Variants in KIZ observed in about 807,000 individuals in gnomAD.
KIZ encodes the protein centrosomal protein kizuna.
In KIZ, 68 loss-of-function variants were observed where a neutral mutation model predicts 79.6. The observed-to-expected ratio is 0.85, with a 90% CI of 0.70 to 1.05. The LOEUF (loss-of-function observed/expected upper bound fraction) is 1.05. Among genes scored for constraint, KIZ ranks in the 50% least tolerant of loss-of-function variants. The pLI, the probability that KIZ is intolerant of heterozygous loss-of-function variation, is 0.00. For synonymous variants in KIZ, 280 were observed against 281.8 expected, an observed-to-expected ratio of 0.99 and a Z score of 0.06; for missense variants, 797 against 800.4, an observed-to-expected ratio of 1.00 and a Z score of 0.05.
intron 2 of KIZ, among the ~76,000 whole-genome samples, chr20:21,134,660 G>GTT (rs537989513): frequency 6.8e-4 from 89 of 130,494 alleles, no homozygotes; most frequent in African/African-American, 1.7e-3. Context: ...CATCTTTCAG[G>GTT]TTTTTTTTTT....
At chr20:21,178,484 G>A (rs1251936766) in intron 6 of KIZ, among the ~76,000 whole-genome samples, 1 of 151,352 alleles carries the variant, frequency 6.6e-6, no homozygotes, top group Non-Finnish European at 1.5e-5. Context: ...ATCTGTGTGT[G>A]TATGTGATCT....
Position 21,162,305 on chromosome 20 carries a change from A to G in KIZ, c.840A>G (p.Glu280=). 1 of 1,613,908 alleles carries G rather than the reference A, an allele frequency of 6.2e-7. No homozygotes were observed. The highest frequency in any genetic ancestry group is 8.5e-7 in the Non-Finnish European group (1 of 1,179,800). ...CTGAACTCAATTCCCCGTTACGGGA[A>G]AGATTAAGTCCAGAGAACAGAACCA... ...KSAELNSPLR[E]RLSPENRTTD... Residue 280 remains glutamate, a synonymous_variant, in exon 5 of 13, where the codon GAA becomes GAG. Transcript: ENST00000619189.
chr20:21,207,102 T>G (rs2035857203), intron 7 of KIZ, among the ~76,000 whole-genome samples: 1 of 152,166 alleles, frequency 6.6e-6, no homozygotes, highest in Non-Finnish European at 1.5e-5. Context: ...TTTTAAGGTG[T>G]TTCTAAAATT....
chr20:21,177,248 T>G lies in KIZ; in HGVS notation c.1352+14089T>G, dbSNP rs564908950. Among the ~76,000 whole-genome samples, 3 of 152,328 alleles carry G rather than the reference T, an allele frequency of 2.0e-5. No homozygotes were observed. In the South Asian group the frequency reaches 6.2e-4, roughly 32 times the overall value. ...AGTTTCTCTACATCTTTGCCAGTGC[T>G]TGTTATCTTTTGTTCTTTTTGTGAA... On this transcript the variant is annotated intron_variant, in intron 6 of 12. Transcript: ENST00000619189.
In KIZ at chr20:21,163,027, G is replaced by A. The variant is rs565902310; in HGVS notation, c.1220G>A (p.Gly407Glu). ...GGTGGCAAGATGGAGGGAGAAGATG[G>A]AATAGAGGCCTTAAAATTAATCCAT... ...NPGGKMEGED[G>E]IEALKLIHAE... The change falls in exon 6 of 13, where the codon GGA (glycine) becomes GAA (glutamate). Residue 407 changes from glycine to glutamate, a missense_variant. Physicochemically the swap from Gly to Glu is moderately conservative, Grantham distance 98. Transcript: ENST00000619189. 4.3e-6 allele frequency: 7 copies of A among 1,613,792 alleles called. No homozygotes were observed. Among genetic ancestry groups the A allele is most frequent in the Non-Finnish European group, 5.9e-6 (7 of 1,179,840 alleles).
intron 11 of KIZ, 56 bp downstream of exon 11, chr20:21,232,886 G>A (rs750980859): frequency 2.6e-5 from 20 of 779,262 alleles, no homozygotes; most frequent in South Asian, 8.7e-5. Context: ...ATGTCACAGC[G>A]CAATGAATTA....
chr20:21,157,399 A>G (rs1254267166), intron 4 of KIZ, among the ~76,000 whole-genome samples: 1 of 152,176 alleles, frequency 6.6e-6, no homozygotes, highest in Non-Finnish European at 1.5e-5. Context: ...TCAGTATTCC[A>G]AGAAGTCTGG....
Position 21,126,101 on chromosome 20 carries a change from C to G in KIZ, c.-15C>G. 6.6e-7 allele frequency: 1 copy of G among 1,506,982 alleles called. No individual in the cohort carries two copies. 93.4% of individuals were successfully genotyped at this position (1,506,982 alleles called of 1,614,324 possible). On this transcript the variant is annotated 5_prime_UTR_variant, in exon 1 of 13. Transcript: ENST00000619189. Reference sequence around the variant, plus strand: ...CCACCCAGAGGCTGTGCTGAGCTGGCGCAGCGGCAGCAGCATGAGCCGGAC... The same window carrying G: ...CCACCCAGAGGCTGTGCTGAGCTGGGGCAGCGGCAGCAGCATGAGCCGGAC...
At chr20:21,188,909 C>T (rs895916426) in intron 6 of KIZ, among the ~76,000 whole-genome samples, 16 of 151,906 alleles carry the variant, frequency 1.1e-4, no homozygotes, top group Non-Finnish European at 2.1e-4. Context: ...GGGGTTTCAC[C>T]GTGTCAGCCA....
At chr20:21,199,632 C>T (rs1463040965) in intron 6 of KIZ, among the ~76,000 whole-genome samples, 1 of 152,176 alleles carries the variant, frequency 6.6e-6, no homozygotes, top group Non-Finnish European at 1.5e-5. Context: ...GCCCTCCTTG[C>T]TCTAGCTTCC....
chr20:21,201,695 A>G (rs1030768454), intron 6 of KIZ, among the ~76,000 whole-genome samples: 1 of 152,266 alleles, frequency 6.6e-6, no homozygotes, highest in Non-Finnish European at 1.5e-5. Flanking sequence ...TTACATTTTT[A>G]ATTAAAGAAT....
intron 6 of KIZ, among the ~76,000 whole-genome samples, chr20:21,171,269 A>G (rs2034194224): frequency 6.6e-6 from 1 of 151,866 alleles, no homozygotes; most frequent in Non-Finnish European, 1.5e-5. Context: ...ACCCATTTTT[A>G]TTTCAGTTAG....
chr20:21,172,421 G>A (rs1033097695), intron 6 of KIZ, among the ~76,000 whole-genome samples: 4 of 152,032 alleles, frequency 2.6e-5, no homozygotes, highest in African/African-American at 9.7e-5. Flanking sequence ...TGGGCAACGT[G>A]GTGAAACCTC....
chr20:21,246,530 G>A lies in KIZ; in HGVS notation c.1976G>A (p.Arg659His), dbSNP rs754804435. 17 of 1,612,200 alleles carry A rather than the reference G, an allele frequency of 1.1e-5. No individual in the cohort carries two copies. The highest frequency in any genetic ancestry group is 2.7e-5 in the African/African-American group (2 of 74,952). ...DSNSEIEAAL[R>H]PRNHNTDDSD... Reference sequence around the variant, plus strand: ...AACTCAGAAATTGAGGCTGCTTTACGCCCCAGAAACCATAACACCGATGAT... The same window carrying A: ...AACTCAGAAATTGAGGCTGCTTTACACCCCAGAAACCATAACACCGATGAT... Residue 659 changes from arginine (R) to histidine (H), a missense_variant, in exon 13 of 13, where the codon CGC becomes CAC. Physicochemically the swap from Arg to His is conservative, Grantham distance 29 (BLOSUM62 0). Coordinates refer to ENST00000619189, the MANE Select transcript of KIZ (RefSeq NM_018474.6).
chr20:21,168,614 C>T (rs1011657628), intron 6 of KIZ, among the ~76,000 whole-genome samples: 5 of 152,114 alleles, frequency 3.3e-5, no homozygotes, highest in African/African-American at 9.7e-5. Context: ...AAAGAGAGCC[C>T]GCATCGCCAA....
intron 7 of KIZ, among the ~76,000 whole-genome samples, chr20:21,206,815 G>A (rs1382743564): frequency 6.6e-6 from 1 of 152,104 alleles, no homozygotes. Flanking sequence ...AGGAGGGAGG[G>A]GCCTGATTTG....
In KIZ at chr20:21,246,551, A is replaced by G. The variant is rs763392319; in HGVS notation, c.1997A>G (p.Asp666Gly). ...AALRPRNHNTDDSDDFYD is the reference protein window; with the variant it reads ...AALRPRNHNTGDSDDFYD ...TTACGCCCCAGAAACCATAACACCG[A>G]TGATTCTGATGATTTTTATGACTAA... Residue 666 changes from aspartate (D) to glycine (G), a missense_variant, in exon 13 of 13, where the codon GAT becomes GGT. Physicochemically the swap from Asp to Gly is moderately conservative, Grantham distance 94. Coordinates refer to ENST00000619189, the MANE Select transcript of KIZ (RefSeq NM_018474.6). The G allele has an allele frequency of 2.3e-5, 37 of 1,606,908 alleles. No homozygotes were observed. The highest frequency in any genetic ancestry group is 2.9e-5 in the Non-Finnish European group (34 of 1,174,004).
At chr20:21,144,725 A>G (rs2032757297) in intron 3 of KIZ, among the ~76,000 whole-genome samples, 1 of 152,144 alleles carries the variant, frequency 6.6e-6, no homozygotes, top group South Asian at 2.1e-4. Context: ...GCTCAGGCCT[A>G]TTTTATGTTC....
rs752711324 is a variant in KIZ, at chr20:21,232,756, A to C, written c.1806A>C (p.Ala602=). Residue 602 remains alanine, a synonymous_variant, in exon 11 of 13, where the codon GCA becomes GCC. Coordinates refer to ENST00000619189, the MANE Select transcript of KIZ (RefSeq NM_018474.6). ...CAGGTTTGAATATTGGCAGCGGTGC[A>C]TTCGAGACAAAGACAGCTAACAAAA... The part of the protein sequence containing the change: ...HLSGLNIGSG[A]FETKTANKIA... 1.3e-6 allele frequency: 2 copies of C among 1,588,644 alleles called. No individual in the cohort carries two copies. The highest frequency in any genetic ancestry group is 1.7e-6 in the Non-Finnish European group (2 of 1,162,982).
Sources: gnomAD v4.1 joint callset for allele counts (sites outside exome capture counted in the v4.1 genomes callset) on GRCh38, gnomAD v4.1.1 for gene constraint, MANE v1.5 for transcripts, NCBI Gene and HGNC (gene_info 2026-07-23, HGNC 2026-07-21) for gene names.